PEBP4: variants seen among roughly 807,000 people sequenced by gnomAD.
PEBP4 encodes the protein phosphatidylethanolamine binding protein 4.
In PEBP4, 22 loss-of-function variants were observed where a neutral mutation model predicts 23.9. The observed-to-expected ratio is 0.92, with a 90% CI of 0.66 to 1.31. The LOEUF is 1.31. PEBP4 is among the 40% of genes most tolerant of loss of function. The pLI, the probability that PEBP4 is intolerant of heterozygous loss-of-function variation, is 0.00. For synonymous variants in PEBP4, 112 were observed against 99.3 expected, an observed-to-expected ratio of 1.13 and a Z score of -0.76; for missense variants, 324 against 281.7, an observed-to-expected ratio of 1.15 and a Z score of -1.07.
At chr8:22,864,524 T>C (rs1207037054) in intron 3 of PEBP4, among the ~76,000 whole-genome samples, 2 of 152,214 alleles carry the variant, frequency 1.3e-5, no homozygotes, top group East Asian at 3.9e-4. Context: ...CTGGGTCCCA[T>C]CCGCATATCC....
At chr8:22,863,608 TCCCCA>T (rs1177372893) in intron 3 of PEBP4, among the ~76,000 whole-genome samples, 1 of 152,132 alleles carries the variant, frequency 6.6e-6, no homozygotes, top group African/African-American at 2.4e-5. Flanking sequence ...AGGAGAGTAT[TCCCCA>T]CCCCTTCTCA....
At chr8:22,881,968 G>A (rs991293535) in intron 3 of PEBP4, among the ~76,000 whole-genome samples, 5 of 152,182 alleles carry the variant, frequency 3.3e-5, no homozygotes, top group African/African-American at 1.2e-4. Context: ...GCTACCTTGT[G>A]GGTGTTGAAT....
intron 4 of PEBP4, among the ~76,000 whole-genome samples, chr8:22,788,395 G>A (rs192646876): frequency 6.6e-6 from 1 of 152,192 alleles, no homozygotes; most frequent in East Asian, 1.9e-4. Flanking sequence ...AAGCCGTGTG[G>A]CTATGAGGGC....
At chr8:22,823,932 C>T (rs555136083) in intron 3 of PEBP4, among the ~76,000 whole-genome samples, 1 of 152,088 alleles carries the variant, frequency 6.6e-6, no homozygotes, top group Non-Finnish European at 1.5e-5. Flanking sequence ...AAAATAAGAT[C>T]CAATCTTTGC....
At chr8:22,748,836 C>A (rs1805185466) in intron 4 of PEBP4, among the ~76,000 whole-genome samples, 1 of 152,198 alleles carries the variant, frequency 6.6e-6, no homozygotes, top group Admixed American at 6.5e-5. Context: ...CAGGAGAGGC[C>A]TCCACGAGTC....
chr8:22,838,630 A>G (rs765753170), intron 3 of PEBP4, among the ~76,000 whole-genome samples: 12 of 152,362 alleles, frequency 7.9e-5, no homozygotes, highest in South Asian at 6.2e-4. Context: ...GCGTTTGCCT[A>G]AAAGCTAGGC....
chr8:22,850,567 G>GTGTGTGTC (rs917098380), intron 3 of PEBP4, among the ~76,000 whole-genome samples: 4 of 152,174 alleles, frequency 2.6e-5, no homozygotes, highest in African/African-American at 4.8e-5. Context: ...GTGTGTGTGT[G>GTGTGTGTC]TGTGTGTCTG....
rs1805154957 is a variant in PEBP4, at chr8:22,747,665, GC to G, written c.358-20446del. On this transcript the variant is annotated intron_variant, in intron 4 of 6. Transcript: ENST00000256404. ...ACGGGATGTTGCTTTTCAGCCTGGCGCTGCCTCGCTGAGTAGCCTGAGACTA... is the reference window on the plus strand; with the variant it reads ...ACGGGATGTTGCTTTTCAGCCTGGCGTGCCTCGCTGAGTAGCCTGAGACTA... 3 of 152,296 alleles carry G rather than the reference GC, an allele frequency of 2.0e-5. No homozygotes were observed. The South Asian group carries it at 6.2e-4, about 32-fold the overall frequency. 9.4% of individuals were successfully genotyped at this position (152,296 alleles called of 1,614,324 possible).
At chr8:22,797,046 G>C (rs745871130) in intron 4 of PEBP4, among the ~76,000 whole-genome samples, 16 of 151,770 alleles carry the variant, frequency 1.1e-4, no homozygotes, top group Non-Finnish European at 1.9e-4. Context: ...ACCTGAGGTA[G>C]GGAGTTTGAG....
chr8:22,756,291 G>C (rs943906248), intron 4 of PEBP4, among the ~76,000 whole-genome samples: 37 of 152,180 alleles, frequency 2.4e-4, no homozygotes, highest in African/African-American at 8.7e-4. Flanking sequence ...GAGAACCTCT[G>C]CCCCTGGGCT....
At position 22,907,228 on chromosome 8, in the gene PEBP4, G is replaced by A. The variant is rs112255187; in HGVS notation, c.258+12956C>T. Among the ~76,000 whole-genome samples the A allele has an allele frequency of 3.7e-3, 567 of 152,348 alleles. 2 individuals carry two copies. The highest frequency in any genetic ancestry group is 0.013 in the African/African-American group (533 of 41,578). ...AATCCCAGCACTTTGGCAGGCCAAGGCGAGCAGATCACTCCGAGGCCAGGA... is the reference window on the plus strand; with the variant it reads ...AATCCCAGCACTTTGGCAGGCCAAGACGAGCAGATCACTCCGAGGCCAGGA... On this transcript the variant is annotated intron_variant, in intron 3 of 6. Coordinates refer to ENST00000256404, the MANE Select transcript of PEBP4 (RefSeq NM_144962.3).
chr8:22,806,098 T>G (rs1391899977), intron 4 of PEBP4, among the ~76,000 whole-genome samples: 1 of 152,220 alleles, frequency 6.6e-6, no homozygotes, highest in Non-Finnish European at 1.5e-5. Context: ...CTTGATCTTT[T>G]CCCCTCATGA....
chr8:22,732,637 TGTGTG>T (rs1563197636), intron 4 of PEBP4, among the ~76,000 whole-genome samples: 7 of 19,418 alleles, frequency 3.6e-4, no homozygotes, highest in East Asian at 0.012. Context: ...GCCCCATTTG[TGTGTG>T]TGTGTGTGTG....
intron 3 of PEBP4, among the ~76,000 whole-genome samples, chr8:22,901,649 T>C (rs1321406318): frequency 1.3e-5 from 2 of 152,148 alleles, no homozygotes; most frequent in African/African-American, 4.8e-5. Flanking sequence ...AGGCCAAACC[T>C]ACTCAAAGGA....
chr8:22,839,427 G>A (rs1807275115), intron 3 of PEBP4, among the ~76,000 whole-genome samples: 1 of 152,160 alleles, frequency 6.6e-6, no homozygotes, highest in South Asian at 2.1e-4. Flanking sequence ...TGGTGGGGAG[G>A]CAGAGGCTGG....
chr8:22,755,224 T>G (rs1457310264), intron 4 of PEBP4, among the ~76,000 whole-genome samples: 3 of 152,236 alleles, frequency 2.0e-5, no homozygotes, highest in Non-Finnish European at 4.4e-5. Flanking sequence ...GCTCCTGGCT[T>G]TCTATTATCT....
intron 4 of PEBP4, among the ~76,000 whole-genome samples, chr8:22,728,591 CCTT>C (rs1563196403): frequency 4.4e-5 from 6 of 137,518 alleles, no homozygotes; most frequent in South Asian, 5.1e-4. Context: ...TTCCTTCCTT[CCTT>C]CCTTCCTTCC....
intron 4 of PEBP4, among the ~76,000 whole-genome samples, chr8:22,754,504 A>T (rs1382331700): frequency 6.6e-6 from 1 of 152,258 alleles, no homozygotes; most frequent in Non-Finnish European, 1.5e-5. Context: ...TTTGGGAGTT[A>T]GAAGCTGGAG....
chr8:22,900,753 T>C (rs1250716177), intron 3 of PEBP4, among the ~76,000 whole-genome samples: 1 of 152,206 alleles, frequency 6.6e-6, no homozygotes, highest in East Asian at 1.9e-4. Context: ...AACTCAGATC[T>C]GTCTATCCTA....
Sources: gnomAD v4.1 joint callset for allele counts (sites outside exome capture counted in the v4.1 genomes callset) on GRCh38, gnomAD v4.1.1 for gene constraint, MANE v1.5 for transcripts, NCBI Gene and HGNC (gene_info 2026-07-23, HGNC 2026-07-21) for gene names.